Variants in NRXN1 observed in about 807,000 individuals in gnomAD.
The protein encoded by NRXN1 is neurexin-1.
Under a neutral mutation model 150.9 loss-of-function variants are expected in NRXN1, and 39 were observed. The observed-to-expected ratio is 0.26, with a 90% CI of 0.20 to 0.34. The LOEUF (loss-of-function observed/expected upper bound fraction) is 0.34, where lower values mean the gene tolerates loss of function less well. Ranked by LOEUF, NRXN1 falls within the 10% of genes least tolerant of loss-of-function variation. The pLI is 1.00. For synonymous variants in NRXN1, 924 were observed against 757.0 expected, an observed-to-expected ratio of 1.22 and a Z score of -3.62; for missense variants, 1,815 against 1,949.9, an observed-to-expected ratio of 0.93 and a Z score of 1.30.
intron 12 of NRXN1, among the ~76,000 whole-genome samples, chr2:50,513,981 T>C (rs2092550131): frequency 1.3e-5 from 2 of 152,212 alleles, no homozygotes; most frequent in Non-Finnish European, 2.9e-5. Context: ...ACTATCTTTA[T>C]GGTGTACCCT....
intron 18 of NRXN1, among the ~76,000 whole-genome samples, chr2:50,113,310 T>C (rs923748307): frequency 6.6e-5 from 10 of 152,248 alleles, no homozygotes; most frequent in African/African-American, 2.4e-4. Context: ...TAATTATTTG[T>C]GCATGTGTCT....
chr2:50,481,725 A>T (rs992843655), intron 15 of NRXN1, among the ~76,000 whole-genome samples: 15 of 150,380 alleles, frequency 1.0e-4, no homozygotes, highest in Non-Finnish European at 1.5e-4. Flanking sequence ...TATCAACAGA[A>T]CATATAATTC....
In NRXN1 at chr2:51,028,130, G is replaced by A; in HGVS notation, c.144C>T (p.Ala48=). ...GQWTRFPKWN[A]CCESEMSFQL... ...GGAAGCTCATCTCGCTCTCGCAGCA[G>A]GCGTTCCACTTGGGGAAGCGCGTCC... Residue 48 remains alanine, a synonymous_variant, in exon 2 of 23, where the codon GCC becomes GCT. Coordinates refer to ENST00000401669, the MANE Select transcript of NRXN1 (RefSeq NM_001330078.2). 1 of 1,564,846 alleles carries A rather than the reference G, an allele frequency of 6.4e-7. No individual in the cohort carries two copies. Among genetic ancestry groups the A allele is most frequent in the Non-Finnish European group, 8.6e-7 (1 of 1,157,974 alleles).
intron 17 of NRXN1, among the ~76,000 whole-genome samples, chr2:50,348,815 T>C (rs1208618298): frequency 6.6e-6 from 1 of 151,886 alleles, no homozygotes; most frequent in Non-Finnish European, 1.5e-5. Context: ...GATAAAAAAC[T>C]ATGACATGTC....
intron 18 of NRXN1, among the ~76,000 whole-genome samples, chr2:50,199,600 T>C (rs895644493): frequency 6.6e-6 from 1 of 151,584 alleles, no homozygotes; most frequent in Non-Finnish European, 1.5e-5. Flanking sequence ...CAGTAATGAG[T>C]ATATTAGTGT....
chr2:50,120,119 T>A (rs982837628), intron 18 of NRXN1, among the ~76,000 whole-genome samples: 2 of 151,562 alleles, frequency 1.3e-5, no homozygotes, highest in African/African-American at 4.9e-5. Context: ...CAATTTAATA[T>A]TATACTTGTA....
Position 50,078,584 on chromosome 2 carries a change from G to T in NRXN1, c.3718+12739C>A, listed in dbSNP as rs183486234. 4.3e-4 allele frequency among the ~76,000 whole-genome samples: 66 copies of T among 152,062 alleles called. 1 individual carries two copies. In the East Asian group the frequency reaches 9.7e-3, roughly 22 times the overall value. ...CAGGATCTAACCCAGCTCCCACATT[G>T]CATTAAACTGCCATGTTTCCTTTGT... is the stretch of plus-strand genomic sequence containing the variant. On this transcript the variant is annotated intron_variant, in intron 19 of 22. Coordinates refer to ENST00000401669, the MANE Select transcript of NRXN1 (RefSeq NM_001330078.2).
chr2:50,202,480 TG>T (rs1412847493), intron 18 of NRXN1, among the ~76,000 whole-genome samples: 1 of 151,946 alleles, frequency 6.6e-6, no homozygotes, highest in Admixed American at 6.6e-5. Flanking sequence ...CATTCCAGCC[TG>T]GGCAACAGAG....
chr2:50,697,614 T>G (rs1662270635), intron 5 of NRXN1, among the ~76,000 whole-genome samples: 1 of 152,196 alleles, frequency 6.6e-6, no homozygotes, highest in South Asian at 2.1e-4. Flanking sequence ...CTCCCTTCCT[T>G]GCTCTTCTGT....
intron 17 of NRXN1, among the ~76,000 whole-genome samples, chr2:50,318,292 A>G (rs1442364498): frequency 1.3e-5 from 2 of 152,114 alleles, no homozygotes; most frequent in Non-Finnish European, 2.9e-5. Flanking sequence ...CACTGGCAAA[A>G]AATTTAAAAG....
At chr2:50,878,856 A>G (rs527763617) in intron 5 of NRXN1, among the ~76,000 whole-genome samples, 4 of 152,072 alleles carry the variant, frequency 2.6e-5, no homozygotes, top group African/African-American at 9.6e-5. Context: ...TTGCTTCCCC[A>G]AAGATTCTCA....
At chr2:50,705,049 AACAC>A (rs10679163) in intron 5 of NRXN1, among the ~76,000 whole-genome samples, 229 of 145,824 alleles carry the variant, frequency 1.6e-3, no homozygotes, top group East Asian at 7.1e-3. Flanking sequence ...CAGAAACACA[AACAC>A]ACACACACAC....
chr2:50,082,100 GT>G (rs1698059697), intron 19 of NRXN1, among the ~76,000 whole-genome samples: 1 of 151,982 alleles, frequency 6.6e-6, no homozygotes, highest in South Asian at 2.1e-4. Context: ...CCTATAACTT[GT>G]TTCCACCTCA....
At chr2:50,626,289 G>T (rs1181558468) in intron 5 of NRXN1, among the ~76,000 whole-genome samples, 2 of 151,448 alleles carry the variant, frequency 1.3e-5, no homozygotes, top group Non-Finnish European at 2.9e-5. Flanking sequence ...GTAAAAAGCT[G>T]ATTCTTCACA....
intron 18 of NRXN1, among the ~76,000 whole-genome samples, chr2:50,152,063 T>C (rs1051700408): frequency 2.6e-5 from 4 of 151,792 alleles, no homozygotes; most frequent in Middle Eastern, 3.2e-3. Flanking sequence ...ACATAAAATA[T>C]ACTGTCTTAA....
At chr2:50,993,931 C>G (rs1393168601) in intron 2 of NRXN1, among the ~76,000 whole-genome samples, 1 of 151,920 alleles carries the variant, frequency 6.6e-6, no homozygotes, top group Non-Finnish European at 1.5e-5. Flanking sequence ...CCTTCAACTA[C>G]TTTCTATTTT....
chr2:50,108,703 T>C (rs1202016365), intron 18 of NRXN1, among the ~76,000 whole-genome samples: 6 of 152,122 alleles, frequency 3.9e-5, no homozygotes, highest in African/African-American at 1.4e-4. Flanking sequence ...ATGATAAAAC[T>C]ATTTCTACCT....
intron 18 of NRXN1, among the ~76,000 whole-genome samples, chr2:50,235,220 G>C (rs576953638): frequency 6.6e-6 from 1 of 152,076 alleles, no homozygotes; most frequent in African/African-American, 2.4e-5. Context: ...TTTGAAAGTT[G>C]AGCTTACTCT....
At chr2:50,491,161 G>A (rs2091230429) in intron 15 of NRXN1, among the ~76,000 whole-genome samples, 1 of 152,104 alleles carries the variant, frequency 6.6e-6, no homozygotes, top group African/African-American at 2.4e-5. Context: ...AATGTACAAA[G>A]CCTGGGCATG....
Sources: gnomAD v4.1 joint callset for allele counts (sites outside exome capture counted in the v4.1 genomes callset) on GRCh38, gnomAD v4.1.1 for gene constraint, MANE v1.5 for transcripts, NCBI Gene and HGNC (gene_info 2026-07-23, HGNC 2026-07-21) for gene names.